The following TBCK variants were observed in gnomAD, a reference collection of about 807,000 sequenced individuals.
TBCK encodes TBC domain-containing protein kinase-like protein.
In TBCK, 99 loss-of-function variants were observed where a neutral mutation model predicts 113.4. That is an observed-to-expected ratio of 0.87 (90% CI 0.74 to 1.03). The LOEUF (loss-of-function observed/expected upper bound fraction) is 1.03, where lower values mean the gene tolerates loss of function less well. Among genes scored for constraint, TBCK ranks in the 50% least tolerant of loss-of-function variants. The pLI, the probability that TBCK is intolerant of heterozygous loss-of-function variation, is 0.00. For missense variants in TBCK, 1,045 were observed against 1,061.3 expected, an observed-to-expected ratio of 0.98 and a Z score of 0.21; for synonymous variants, 369 against 370.8, an observed-to-expected ratio of 1.00 and a Z score of 0.05.
At chr4:106,127,734 T>A (rs999188585) in intron 23 of TBCK, among the ~76,000 whole-genome samples, 2 of 152,132 alleles carry the variant, frequency 1.3e-5, no homozygotes, top group Non-Finnish European at 2.9e-5. Flanking sequence ...TAGGCCTTTT[T>A]AAATATAGCT....
At chr4:106,229,201 C>G (rs1758575772) in intron 19 of TBCK, among the ~76,000 whole-genome samples, 1 of 151,908 alleles carries the variant, frequency 6.6e-6, no homozygotes, top group South Asian at 2.1e-4. Context: ...TGAGTTGTCT[C>G]CTAACTTTGT....
chr4:106,229,624 A>G (rs1333530804), intron 19 of TBCK, among the ~76,000 whole-genome samples: 1 of 151,932 alleles, frequency 6.6e-6, no homozygotes, highest in Non-Finnish European at 1.5e-5. Context: ...TGCCAGTACC[A>G]TTTTGTTTCA....
chr4:106,230,899 C>T (rs1346322476), intron 18 of TBCK, among the ~76,000 whole-genome samples: 1 of 151,780 alleles, frequency 6.6e-6, no homozygotes, highest in Admixed American at 6.6e-5. Flanking sequence ...TATGAGTGAT[C>T]ATTGGCTATG....
intron 23 of TBCK, among the ~76,000 whole-genome samples, chr4:106,145,905 C>A (rs4582218): frequency 1.3e-5 from 2 of 152,022 alleles, no homozygotes; most frequent in Non-Finnish European, 2.9e-5. Flanking sequence ...CAGATGCTGG[C>A]AAGGTTGTAG....
chr4:106,186,081 G>C (rs769940693), intron 22 of TBCK, among the ~76,000 whole-genome samples: 1 of 152,098 alleles, frequency 6.6e-6, no homozygotes, highest in Non-Finnish European at 1.5e-5. Flanking sequence ...TTATGACTGT[G>C]TAGTATTCCA....
chr4:106,255,522 G>A (rs921357051), intron 5 of TBCK, among the ~76,000 whole-genome samples: 58 of 152,308 alleles, frequency 3.8e-4, no homozygotes, highest in African/African-American at 1.2e-3. Flanking sequence ...GACCAGGTGC[G>A]TTGCAAGCAG....
In TBCK at chr4:106,045,759, G is replaced by C. The variant is rs1208780760; in HGVS notation, c.*811C>G. Reference sequence around the variant, plus strand: ...TCTCTTCCTTCTAGATAGCAGATGTGATGGTAGAAGCTGAGGAGCCATTTT... The same window carrying C: ...TCTCTTCCTTCTAGATAGCAGATGTCATGGTAGAAGCTGAGGAGCCATTTT... On this transcript the variant is annotated 3_prime_UTR_variant, in exon 26 of 26. Coordinates refer to ENST00000394708, the MANE Select transcript of TBCK (RefSeq NM_001163435.3). 4 of 151,948 alleles carry C rather than the reference G, an allele frequency of 2.6e-5. No individual in the cohort carries two copies. The highest frequency in any genetic ancestry group is 9.7e-5 in the African/African-American group (4 of 41,360). The allele number at this position is 151,948 out of a possible 1,614,324, so 9.4% of individuals were successfully genotyped here.
upstream of TBCK, chr4:106,316,299 C>T (rs376227763): frequency 4.4e-6 from 2 of 454,122 alleles, no homozygotes; most frequent in African/African-American, 2.0e-5. Context: ...TGTCCTTCCC[C>T]TTGCCCAAAC....
At chr4:106,189,910 T>G (rs1020570920) in intron 22 of TBCK, among the ~76,000 whole-genome samples, 2 of 152,148 alleles carry the variant, frequency 1.3e-5, no homozygotes, top group African/African-American at 4.8e-5. Context: ...TTGAGCATTT[T>G]ATTCCCTCTG....
chr4:106,072,497 A>T (rs1274404585), intron 25 of TBCK, among the ~76,000 whole-genome samples: 1 of 152,146 alleles, frequency 6.6e-6, no homozygotes, highest in Non-Finnish European at 1.5e-5. Flanking sequence ...CTTTGTGGGT[A>T]ACCCAATCTT....
intron 2 of TBCK, among the ~76,000 whole-genome samples, chr4:106,295,948 GA>G (rs950943050): frequency 3.6e-4 from 54 of 151,990 alleles, no homozygotes; most frequent in African/African-American, 1.2e-3. Flanking sequence ...AATTCATTGG[GA>G]AAAAAATGCA....
At chr4:106,130,628 A>C (rs11946370) in intron 23 of TBCK, among the ~76,000 whole-genome samples, 364 of 144,720 alleles carry the variant, frequency 2.5e-3, no homozygotes, top group African/African-American at 8.8e-3. Context: ...ACACACACAC[A>C]CCACACAGAA....
intron 23 of TBCK, among the ~76,000 whole-genome samples, chr4:106,164,957 T>C (rs1750198640): frequency 6.6e-6 from 1 of 151,546 alleles, no homozygotes; most frequent in Non-Finnish European, 1.5e-5. Flanking sequence ...GGTAATAGTA[T>C]ATACAAGCAG....
intron 19 of TBCK, among the ~76,000 whole-genome samples, chr4:106,225,262 G>A (rs1458088274): frequency 6.6e-6 from 1 of 151,962 alleles, no homozygotes; most frequent in African/African-American, 2.4e-5. Flanking sequence ...AACATTTATG[G>A]TGGCTTTAAA....
rs550297369 is a variant in TBCK, at chr4:106,198,966, A to C, written c.1861-4212T>G. On this transcript the variant is annotated intron_variant, in intron 20 of 25. Transcript: ENST00000394708. Reference sequence around the variant, plus strand: ...GAGAATGATAGGATTCTTGTGAATAAATGTTATTTTACTCATTTATTCATT... The same window carrying C: ...GAGAATGATAGGATTCTTGTGAATACATGTTATTTTACTCATTTATTCATT... 2.4e-3 allele frequency among the ~76,000 whole-genome samples: 365 copies of C among 152,236 alleles called. 2 individuals carry two copies. Among genetic ancestry groups the C allele is most frequent in the African/African-American group, 8.3e-3 (344 of 41,538 alleles).
At chr4:106,117,237 TTAAATA>T (rs1386384348) in intron 23 of TBCK, among the ~76,000 whole-genome samples, 1 of 152,224 alleles carries the variant, frequency 6.6e-6, no homozygotes, top group African/African-American at 2.4e-5. Context: ...TCACTTTTCT[TTAAATA>T]TAAACTACTG....
At position 106,308,889 on chromosome 4, in the gene TBCK, A is replaced by G; in HGVS notation, c.72T>C (p.Cys24=). The G allele has an allele frequency of 2.5e-6, 4 of 1,614,172 alleles. No homozygotes were observed. The highest frequency in any genetic ancestry group is 3.4e-6 in the Non-Finnish European group (4 of 1,180,024). Reference sequence around the variant, plus strand: ...GTGTGAGAGGAAGTCCATTGCTTCCACAAACATCATGTGGCAGAGCCGAGG... The same window carrying G: ...GTGTGAGAGGAAGTCCATTGCTTCCGCAAACATCATGTGGCAGAGCCGAGG... ...FFASALPHDV[C]GSNGLPLTPN... The change falls in exon 2 of 26, where the codon TGT becomes TGC. Residue 24 remains cysteine (C), a synonymous_variant. Transcript: ENST00000394708.
At chr4:106,107,029 TA>T (rs56363184) in intron 24 of TBCK, among the ~76,000 whole-genome samples, 1 of 150,708 alleles carries the variant, frequency 6.6e-6, no homozygotes, top group Non-Finnish European at 1.5e-5. Context: ...AACAACGATT[TA>T]AAAAAAAAGA....
chr4:106,168,673 C>T (rs1450270849), intron 23 of TBCK, among the ~76,000 whole-genome samples: 2 of 151,904 alleles, frequency 1.3e-5, no homozygotes, highest in South Asian at 2.1e-4. Flanking sequence ...AAAGGTCAAA[C>T]GCTTTCCTGT....
Sources: allele counts gnomAD v4.1 joint callset (sites outside exome capture counted in the v4.1 genomes callset), GRCh38; gene constraint gnomAD v4.1.1; transcripts MANE v1.5; gene names NCBI Gene and HGNC (gene_info 2026-07-23, HGNC 2026-07-21).